Variants in STMN3 observed in about 807,000 individuals in gnomAD.
STMN3 encodes the protein stathmin-3.
In STMN3, 24 loss-of-function variants were observed where a neutral mutation model predicts 23.2. The ratio of observed to expected loss-of-function variants is 1.03; its 90% confidence interval spans 0.75 to 1.45. STMN3 has a LOEUF of 1.45. Ranked by LOEUF, STMN3 falls within the 40% of genes most tolerant of loss-of-function variation. The probability of loss-of-function intolerance (pLI) is 0.00; values close to 1 mark genes in which losing one functional copy is unlikely to be tolerated. For synonymous variants in STMN3, 117 were observed against 103.4 expected (o/e 1.13, Z -0.80); for missense variants, 235 against 237.6 (o/e 0.99, Z 0.07).
rs2089870195 is a variant in STMN3 at position 63,652,696 on chromosome 20, G to A, written c.19+631C>T. The stretch of plus-strand genomic sequence containing the variant: ...CCATCCAGACCCCGCGGCGCAAAGG[G>A]CAGTGGCTTTTCTGGCCAGAGCAGG... On this transcript the variant is annotated intron_variant, in intron 1 of 4. Coordinates refer to ENST00000370053, the MANE Select transcript of STMN3 (RefSeq NM_015894.4). The surrounding 1 kb of genome is among the most constrained non-coding windows in gnomAD (Gnocchi z 5.3). 3.0e-6 allele frequency: 3 copies of A among 986,042 alleles called. No homozygotes were observed. The highest frequency in any genetic ancestry group is 4.7e-5 in the South Asian group (1 of 21,308). The allele number at this position is 986,042 out of a possible 1,614,324, so 61.1% of individuals were successfully genotyped here.
chr20:63,646,818 T>A (rs80171573), intron 1 of STMN3, among the ~76,000 whole-genome samples: 9 of 149,300 alleles, frequency 6.0e-5, no homozygotes, highest in Admixed American at 2.0e-4. Context: ...TTTTTTTTTT[T>A]ATCTCTGCTC....
At chr20:63,641,419 G>A (rs1555896791) in intron 4 of STMN3, 22 bp from the exon 5 acceptor site, 2 of 1,554,362 alleles carry the variant, frequency 1.3e-6, no homozygotes, top group South Asian at 2.4e-5. Context: ...GGGGCGGGAG[G>A]GCCTGAGGGC....
At chr20:63,644,403 T>A in intron 1 of STMN3, 94 bp from the exon 2 acceptor site, 2 of 933,596 alleles carry the variant, frequency 2.1e-6, no homozygotes, top group Non-Finnish European at 3.3e-6. Context: ...ATCATGTCTC[T>A]GTGAGACACG....
At position 63,640,959 on chromosome 20, in the gene STMN3, C is replaced by T; in HGVS notation, c.*379G>A. The T allele has an allele frequency of 2.9e-6, 1 of 344,808 alleles. No homozygotes were observed. Among genetic ancestry groups the T allele is most frequent in the Non-Finnish European group, 5.5e-6 (1 of 180,368 alleles). 21.4% of individuals were successfully genotyped at this position (344,808 alleles called of 1,614,324 possible). A position where few individuals can be genotyped will look rare whatever the true frequency, so the allele number is the denominator to read the frequency against. On this transcript the variant is annotated 3_prime_UTR_variant, in exon 5 of 5. Transcript: ENST00000370053. ...AGCCTCGCCTGCTGGCCAGGGGCGCCGGCTCAGAGGACCTGCCCTGACCTG... is the reference window on the plus strand; with the variant it reads ...AGCCTCGCCTGCTGGCCAGGGGCGCTGGCTCAGAGGACCTGCCCTGACCTG...
rs755267296 is a variant in STMN3 at position 63,644,197 on chromosome 20, G to T, written c.115+17C>A. On this transcript the variant is annotated intron_variant, in intron 2 of 4. Transcript: ENST00000370053. ...GCAGGCACCGCAGGGAAGGGCAGGC[G>T]GCAGCCAGGCACTCACCCCCGTACT... 4 of 1,607,602 alleles carry T rather than the reference G, an allele frequency of 2.5e-6. No individual in the cohort carries two copies. The highest frequency in any genetic ancestry group is 3.4e-6 in the Non-Finnish European group (4 of 1,175,236).
rs1357298459 is a variant in STMN3 at position 63,647,942 on chromosome 20, G to A, written c.20-3633C>T. Among the ~76,000 whole-genome samples, 6 of 86,940 alleles carry A rather than the reference G, an allele frequency of 6.9e-5. 1 individual carries two copies. Among genetic ancestry groups the A allele is most frequent in the Middle Eastern group, 0.013 (2 of 154 alleles). 57.0% of individuals were successfully genotyped at this position (86,940 alleles called of 152,430 possible). A position where few individuals can be genotyped will look rare whatever the true frequency, so the allele number is the denominator to read the frequency against. On this transcript the variant is annotated intron_variant, in intron 1 of 4. Coordinates refer to ENST00000370053, the MANE Select transcript of STMN3 (RefSeq NM_015894.4). ...TTAATATATATACGTATATATGTGT[G>A]TGTGTGTATATATATATGTATATAT...
At chr20:63,641,695 G>A (rs1391276453) in intron 4 of STMN3, among the ~76,000 whole-genome samples, 1 of 152,180 alleles carries the variant, frequency 6.6e-6, no homozygotes, top group African/African-American at 2.4e-5. Context: ...ACTGCGGCTA[G>A]TTACTGTCCC....
chr20:63,647,302 C>CAAA (rs60956194), intron 1 of STMN3, among the ~76,000 whole-genome samples: 2 of 112,282 alleles, frequency 1.8e-5, no homozygotes, highest in Non-Finnish European at 3.7e-5. Context: ...ACTCCCGTCT[C>CAAA]AAAAAAAAAA....
intron 4 of STMN3, 147 bp from the exon 5 acceptor site, chr20:63,641,544 G>T: frequency 3.1e-6 from 2 of 639,924 alleles, no homozygotes; most frequent in Non-Finnish European, 5.4e-6. Context: ...AGTTGAGGGG[G>T]CGGGAGCACC....
At chr20:63,642,328 C>G (rs1445484950) in intron 3 of STMN3, 29 bp from the exon 4 acceptor site, 1 of 1,409,490 alleles carries the variant, frequency 7.1e-7, no homozygotes, top group Non-Finnish European at 9.3e-7. Flanking sequence ...CGCGCGTGAG[C>G]GGCAACCCCG....
intron 1 of STMN3, among the ~76,000 whole-genome samples, chr20:63,650,982 G>T (rs1451015389): frequency 7.3e-6 from 1 of 137,098 alleles, no homozygotes; most frequent in Non-Finnish European, 1.5e-5. Flanking sequence ...TTTTTAGAAA[G>T]AGTTTCTACT....
chr20:63,648,566 T>A (rs1013008405), intron 1 of STMN3, among the ~76,000 whole-genome samples: 3 of 152,000 alleles, frequency 2.0e-5, no homozygotes, highest in Non-Finnish European at 4.4e-5. Flanking sequence ...TGAAACCCCA[T>A]CTCTACTAAA....
chr20:63,644,073 C>A, intron 2 of STMN3, 141 bp downstream of exon 2: 3 of 1,360,040 alleles, frequency 2.2e-6, no homozygotes, highest in Admixed American at 2.2e-5. Context: ...GGCTTCAGCC[C>A]CCAGGATGGG....
At chr20:63,647,970 A>ATG (rs2089830136) in intron 1 of STMN3, among the ~76,000 whole-genome samples, 1 of 86,964 alleles carries the variant, frequency 1.1e-5, no homozygotes, top group Non-Finnish European at 2.2e-5. Flanking sequence ...GTATATATAT[A>ATG]TATATATATA....
intron 1 of STMN3, among the ~76,000 whole-genome samples, chr20:63,645,108 C>T (rs2089799796): frequency 6.6e-6 from 1 of 152,202 alleles, no homozygotes; most frequent in Non-Finnish European, 1.5e-5. Flanking sequence ...TTCCTTGTCA[C>T]TGTGTGTCTT....
chr20:63,650,319 G>A (rs985586497), intron 1 of STMN3, among the ~76,000 whole-genome samples: 4 of 152,318 alleles, frequency 2.6e-5, no homozygotes, highest in Middle Eastern at 3.4e-3. Flanking sequence ...ATTAGATACC[G>A]AGGAAATGCG....
At position 63,642,157 on chromosome 20, in the gene STMN3, T is replaced by C; in HGVS notation, c.434A>G (p.Glu145Gly). Residue 145 changes from glutamate to glycine, a missense_variant, in exon 4 of 5, where the codon GAG becomes GGG. Glu to Gly is a moderately conservative substitution (Grantham distance 98). Transcript: ENST00000370053. ...TGCGGCCAGGTGTGCCTCGCGGATC[T>C]CCTTGCTGAGCTCCATCTTGTAGTT... ...KLNYKMELSKEIREAHLAALR... is the reference protein window; with the variant it reads ...KLNYKMELSKGIREAHLAALR... 6.6e-7 allele frequency: 1 copy of C among 1,509,904 alleles called. No individual in the cohort carries two copies. The highest frequency in any genetic ancestry group is 1.5e-5 in the African/African-American group (1 of 64,838). 93.5% of individuals were successfully genotyped at this position (1,509,904 alleles called of 1,614,324 possible).
chr20:63,647,870 A>T, intron 1 of STMN3, among the ~76,000 whole-genome samples: 1 of 123,548 alleles, frequency 8.1e-6, no homozygotes, highest in East Asian at 2.0e-4. Context: ...GTATATATAC[A>T]CGTGTATATA....
chr20:63,644,914 T>A (rs892537859), intron 1 of STMN3, among the ~76,000 whole-genome samples: 2 of 151,954 alleles, frequency 1.3e-5, no homozygotes, highest in Non-Finnish European at 2.9e-5. Flanking sequence ...GGGAAATAAG[T>A]TCCTGTCGTC....
Sources: gnomAD v4.1 joint callset for allele counts (sites outside exome capture counted in the v4.1 genomes callset) on GRCh38, gnomAD v4.1.1 for gene constraint, Gnocchi (gnomAD v3.1) non-coding constraint, MANE v1.5 for transcripts, NCBI Gene and HGNC (gene_info 2026-07-23, HGNC 2026-07-21) for gene names.